Variants in CHD6 observed in about 807,000 individuals in gnomAD.
The protein encoded by CHD6 is chromodomain helicase DNA binding protein 6.
CHD6 carries 50 observed loss-of-function variants against 276.9 expected under a neutral mutation model. The observed-to-expected ratio is 0.18, with a 90% CI of 0.14 to 0.23. CHD6 has a LOEUF of 0.23. Ranked by LOEUF, CHD6 falls within the 10% of genes least tolerant of loss-of-function variation. The pLI, the probability that CHD6 is intolerant of heterozygous loss-of-function variation, is 1.00. For synonymous variants in CHD6, 1,173 were observed against 1,229.3 expected, an observed-to-expected ratio of 0.95 and a Z score of 0.96; for missense variants, 2,564 against 3,365.8, an observed-to-expected ratio of 0.76 and a Z score of 5.89.
rs765180476 is a variant in CHD6, at chr20:41,405,203, C to G, written c.7538G>C (p.Ser2513Thr). 6.2e-7 allele frequency: 1 copy of G among 1,614,202 alleles called. No homozygotes were observed. Among genetic ancestry groups the G allele is most frequent in the Non-Finnish European group, 8.5e-7 (1 of 1,180,036 alleles). Residue 2513 changes from serine to threonine, a missense_variant, in exon 37 of 37, where the codon AGT becomes ACT. By Grantham distance (58) the Ser-to-Thr change is moderately conservative (BLOSUM62 1). Coordinates refer to ENST00000373233, the MANE Select transcript of CHD6 (RefSeq NM_032221.5). ...CATCATGGGCAGCATGCTCAGGGTA[C>G]TTTTGACCTCTTCACCTGTTGGCAT... The part of the protein sequence containing the change: ...ATMPTGEEVK[S>T]TLSMLPMMLP...
intron 23 of CHD6, among the ~76,000 whole-genome samples, chr20:41,449,625 C>T (rs936708727): frequency 6.6e-6 from 1 of 152,170 alleles, no homozygotes; most frequent in Non-Finnish European, 1.5e-5. Flanking sequence ...TTGTAACACC[C>T]TTGGTTTAGC....
At chr20:41,487,575 T>G in intron 14 of CHD6, 90 bp downstream of exon 14, 1 of 1,285,108 alleles carries the variant, frequency 7.8e-7, no homozygotes, top group Non-Finnish European at 1.1e-6. Context: ...ACGTGACAAC[T>G]TGCTAAATCC....
At chr20:41,453,765 A>G (rs764457101) in intron 20 of CHD6, among the ~76,000 whole-genome samples, 2 of 152,232 alleles carry the variant, frequency 1.3e-5, no homozygotes, top group African/African-American at 4.8e-5. Context: ...TGAAACACTT[A>G]GAACAGGTTA....
rs773633030 is a variant in CHD6, at chr20:41,421,800, T to C, written c.4835A>G (p.Tyr1612Cys). Reference sequence around the variant, plus strand: ...TCTTTTATGCTGGGCATAGTTTCTATAGGCATCCAGGAAGGACAGCTGGGG... The same window carrying C: ...TCTTTTATGCTGGGCATAGTTTCTACAGGCATCCAGGAAGGACAGCTGGGG... Reference protein sequence around the residue: ...NDPQLSFLDAYRNYAQHKRSG... With the variant: ...NDPQLSFLDACRNYAQHKRSG... Residue 1612 changes from tyrosine to cysteine, a missense_variant, in exon 31 of 37, where the codon TAT becomes TGT. Physicochemically the swap from Tyr to Cys is radical, Grantham distance 194. Transcript: ENST00000373233. The C allele has an allele frequency of 6.2e-7, 1 of 1,614,222 alleles. No homozygotes were observed. The highest frequency in any genetic ancestry group is 8.5e-7 in the Non-Finnish European group (1 of 1,180,032).
chr20:41,529,277 A>G (rs2146048414), intron 3 of CHD6, among the ~76,000 whole-genome samples: 1 of 152,364 alleles, frequency 6.6e-6, no homozygotes, highest in South Asian at 2.1e-4. Context: ...TTCTTGGTAT[A>G]TATACATATA....
intron 15 of CHD6, 104 bp downstream of exon 15, chr20:41,484,248 T>C (rs1239469278): frequency 7.3e-7 from 1 of 1,369,864 alleles, no homozygotes; most frequent in Non-Finnish European, 1.0e-6. Flanking sequence ...AATGCGTACA[T>C]CCTAGCATAT....
intron 27 of CHD6, among the ~76,000 whole-genome samples, chr20:41,430,061 G>A (rs2047487119): frequency 6.6e-6 from 1 of 152,242 alleles, no homozygotes; most frequent in Non-Finnish European, 1.5e-5. Context: ...AGTGTCTTCA[G>A]TGCAGGAGGT....
rs527936299 is a variant in CHD6 at position 41,542,040 on chromosome 20, T to C, written c.34-8470A>G. Among the ~76,000 whole-genome samples, 7 of 152,274 alleles carry C rather than the reference T, an allele frequency of 4.6e-5. No homozygotes were observed. In the East Asian group the frequency reaches 1.4e-3, roughly 29 times the overall value. The stretch of plus-strand genomic sequence containing the variant: ...AAGAATTAGGAGGAGAGAGGGAAAA[T>C]AATAATAAGTGCCTGTGTTGTTTTT... On this transcript the variant is annotated intron_variant, in intron 2 of 36. Transcript: ENST00000373233.
chr20:41,615,668 C>G (rs930461728), intron 1 of CHD6, among the ~76,000 whole-genome samples: 18 of 152,216 alleles, frequency 1.2e-4, no homozygotes, highest in Non-Finnish European at 2.2e-4. Flanking sequence ...AAAGATATTT[C>G]TGCAGGTAGA....
intron 4 of CHD6, among the ~76,000 whole-genome samples, chr20:41,513,400 G>A (rs1283085106): frequency 6.6e-6 from 1 of 152,154 alleles, no homozygotes; most frequent in Non-Finnish European, 1.5e-5. Context: ...TTTATGACAT[G>A]ATGACAGTTT....
intron 1 of CHD6, among the ~76,000 whole-genome samples, chr20:41,580,608 C>T (rs190117572): frequency 7.0e-5 from 9 of 128,176 alleles, no homozygotes; most frequent in African/African-American, 1.3e-4. Context: ...TGCAATGAGA[C>T]GTGATTATGC....
intron 15 of CHD6, 31 bp from the exon 16 acceptor site, chr20:41,483,550 G>C (rs769555650): frequency 1.4e-6 from 2 of 1,478,962 alleles, no homozygotes; most frequent in Non-Finnish European, 1.9e-6. Context: ...ACTATTCCTC[G>C]GACAGAATAT....
intron 17 of CHD6, among the ~76,000 whole-genome samples, chr20:41,462,346 T>A (rs926953641): frequency 2.0e-5 from 3 of 152,198 alleles, no homozygotes; most frequent in Non-Finnish European, 2.9e-5. Flanking sequence ...CCAATACCAT[T>A]ACAACTCACT....
chr20:41,502,777 A>G (rs2043866667), intron 5 of CHD6, among the ~76,000 whole-genome samples: 2 of 152,216 alleles, frequency 1.3e-5, no homozygotes, highest in South Asian at 4.1e-4. Context: ...AGGTCGAGGC[A>G]GGTGGGTCAC....
In CHD6 at chr20:41,607,766, G is replaced by GAAA. The variant is rs11086808; in HGVS notation, c.-24+10571_-24+10573dup. On this transcript the variant is annotated intron_variant, in intron 1 of 36. Coordinates refer to ENST00000373233, the MANE Select transcript of CHD6 (RefSeq NM_032221.5). Reference sequence around the variant, plus strand: ...AGTACAAAAGTAGACCATTCCACAGGAAAAAAAAAAAAAAAACACCTCATT... The same window carrying GAAA: ...AGTACAAAAGTAGACCATTCCACAGGAAAAAAAAAAAAAAAAAAACACCTCATT... Among the ~76,000 whole-genome samples the GAAA allele has an allele frequency of 1.7e-3, 197 of 118,266 alleles. 2 individuals are homozygous for GAAA. The highest frequency in any genetic ancestry group is 4.3e-3 in the Middle Eastern group (1 of 230). 77.6% of individuals were successfully genotyped at this position (118,266 alleles called of 152,430 possible).
At chr20:41,423,987 T>G (rs2047280868) in intron 29 of CHD6, among the ~76,000 whole-genome samples, 1 of 152,240 alleles carries the variant, frequency 6.6e-6, no homozygotes, top group African/African-American at 2.4e-5. Context: ...ATCTCTTGAT[T>G]CATCAATTTT....
chr20:41,497,694 T>G, intron 7 of CHD6, 193 bp from the exon 8 acceptor site: 2 of 579,472 alleles, frequency 3.5e-6, no homozygotes, highest in Non-Finnish European at 6.2e-6. Context: ...ACGGAGTAAT[T>G]CCAAGCAACT....
chr20:41,568,523 A>G (rs979048173), intron 1 of CHD6, among the ~76,000 whole-genome samples: 9 of 152,248 alleles, frequency 5.9e-5, no homozygotes, highest in African/African-American at 2.2e-4. Flanking sequence ...ATCTACAGAA[A>G]ACAGAAGAGT....
intron 1 of CHD6, among the ~76,000 whole-genome samples, chr20:41,597,690 G>A (rs545064005): frequency 1.3e-5 from 2 of 151,670 alleles, no homozygotes; most frequent in East Asian, 3.9e-4. Context: ...CCCCATCAGA[G>A]TAATGTTAAA....
Sources: allele counts gnomAD v4.1 joint callset (sites outside exome capture counted in the v4.1 genomes callset), GRCh38; gene constraint gnomAD v4.1.1; transcripts MANE v1.5; gene names NCBI Gene and HGNC (gene_info 2026-07-23, HGNC 2026-07-21).